Variants in SMC1B observed in about 807,000 individuals in gnomAD.
The protein encoded by SMC1B is structural maintenance of chromosomes protein 1B.
SMC1B carries 60 observed loss-of-function variants against 157.9 expected under a neutral mutation model. The ratio of observed to expected loss-of-function variants is 0.38; its 90% CI spans 0.31 to 0.47. The LOEUF (loss-of-function observed/expected upper bound fraction) is 0.47, where lower values mean the gene tolerates loss of function less well. SMC1B is among the 20% of genes least tolerant of loss of function. The pLI, the probability that SMC1B is intolerant of heterozygous loss-of-function variation, is 0.99. For synonymous variants in SMC1B, 445 were observed against 483.0 expected, an observed-to-expected ratio of 0.92 and a Z score of 1.03; for missense variants, 1,165 against 1,426.2, an observed-to-expected ratio of 0.82 and a Z score of 2.95.
chr22:45,344,712 T>G, intron 24 of SMC1B, 55 bp from the exon 25 acceptor site: 1 of 1,223,984 alleles, frequency 8.2e-7, no homozygotes, highest in Non-Finnish European at 1.2e-6. Context: ...AAAGTATTAT[T>G]AAAGTAAGAG....
At chr22:45,385,264 T>C (rs2086978721) in intron 11 of SMC1B, among the ~76,000 whole-genome samples, 1 of 152,148 alleles carries the variant, frequency 6.6e-6, no homozygotes, top group African/African-American at 2.4e-5. Context: ...AGTTTACAGA[T>C]ACTGTATGTA....
chr22:45,371,600 G>A lies in SMC1B; in HGVS notation c.2197-13C>T. 2 of 1,572,834 alleles carry A rather than the reference G, an allele frequency of 1.3e-6. No individual in the cohort carries two copies. Among genetic ancestry groups the A allele is most frequent in the African/African-American group, 1.4e-5 (1 of 72,526 alleles). ...ACTGAGATTGTTCCTAATAACAAAAGAGAAAAATTTTTTTAACATGGCTGT... is the reference window on the plus strand; with the variant it reads ...ACTGAGATTGTTCCTAATAACAAAAAAGAAAAATTTTTTTAACATGGCTGT... On this transcript the variant is annotated splice_polypyrimidine_tract_variant and intron_variant, in intron 13 of 24. Transcript: ENST00000357450.
intron 15 of SMC1B, among the ~76,000 whole-genome samples, chr22:45,365,286 C>A (rs1411189275): frequency 2.6e-5 from 4 of 152,188 alleles, no homozygotes; most frequent in Non-Finnish European, 4.4e-5. Context: ...TATTCAGCTA[C>A]CCATTCTATA....
intron 19 of SMC1B, 76 bp downstream of exon 19, chr22:45,358,621 C>G (rs2086691555): frequency 1.1e-6 from 1 of 894,230 alleles, no homozygotes; most frequent in Non-Finnish European, 1.7e-6. Flanking sequence ...TTAATTCTAT[C>G]ATCCAAAAAT....
chr22:45,367,842 C>T (rs899179311), intron 15 of SMC1B, among the ~76,000 whole-genome samples: 6 of 152,236 alleles, frequency 3.9e-5, no homozygotes, highest in African/African-American at 1.4e-4. Context: ...AGATTTTTCA[C>T]TTCTCTGTGG....
chr22:45,402,749 C>A (rs895046707), intron 4 of SMC1B, among the ~76,000 whole-genome samples, 178 bp from the exon 5 acceptor site: 1 of 152,142 alleles, frequency 6.6e-6, no homozygotes, highest in African/African-American at 2.4e-5. Context: ...TTAAATAACC[C>A]AATACACCAG....
In SMC1B at chr22:45,354,145, C is replaced by A; in HGVS notation, c.3119-13G>T. 6.6e-7 allele frequency: 1 copy of A among 1,524,228 alleles called. No homozygotes were observed. The highest frequency in any genetic ancestry group is 8.7e-7 in the Non-Finnish European group (1 of 1,143,308). 94.4% of individuals were successfully genotyped at this position (1,524,228 alleles called of 1,614,324 possible). ...CTGGCCTCAAAAGCTAAGAGAGAATCAATGTTCTTTATTTTAGAGACCACT... is the reference window on the plus strand; with the variant it reads ...CTGGCCTCAAAAGCTAAGAGAGAATAAATGTTCTTTATTTTAGAGACCACT... On this transcript the variant is annotated splice_polypyrimidine_tract_variant and intron_variant, in intron 20 of 24. Coordinates refer to ENST00000357450, the MANE Select transcript of SMC1B (RefSeq NM_148674.5).
At chr22:45,398,047 C>A (rs1393698346) in intron 6 of SMC1B, among the ~76,000 whole-genome samples, 1 of 152,156 alleles carries the variant, frequency 6.6e-6, no homozygotes, top group Non-Finnish European at 1.5e-5. Flanking sequence ...TGGGGCCGAG[C>A]AAGCCCCAGA....
At chr22:45,408,512 A>G (rs1466245045) in intron 2 of SMC1B, among the ~76,000 whole-genome samples, 198 bp downstream of exon 2, 1 of 152,188 alleles carries the variant, frequency 6.6e-6, no homozygotes, top group African/African-American at 2.4e-5. Flanking sequence ...GTTAAGGAAA[A>G]GCAGACATAA....
chr22:45,363,861 T>C (rs1470701419), intron 15 of SMC1B, among the ~76,000 whole-genome samples: 1 of 152,054 alleles, frequency 6.6e-6, no homozygotes. Flanking sequence ...ACTATTTTTT[T>C]TTTTTGAGAT....
At chr22:45,349,902 T>C (rs2086594247) in intron 22 of SMC1B, 105 bp from the exon 23 acceptor site, 1 of 900,416 alleles carries the variant, frequency 1.1e-6, no homozygotes, top group Admixed American at 2.6e-5. Context: ...CACATTCTTT[T>C]GGATATTTCT....
rs77528018 is a variant in SMC1B at position 45,360,653 on chromosome 22, T to A, written c.2709-695A>T. Among the ~76,000 whole-genome samples, 715 of 145,678 alleles carry A rather than the reference T, an allele frequency of 4.9e-3. 8 individuals carry two copies. The highest frequency in any genetic ancestry group is 0.015 in the African/African-American group (605 of 39,162). ...ACCTCATTTCTTAAAAAAAAAAAAATGGAAGAATGTGTTCTATTTACACAA... is the reference window on the plus strand; with the variant it reads ...ACCTCATTTCTTAAAAAAAAAAAAAAGGAAGAATGTGTTCTATTTACACAA... On this transcript the variant is annotated intron_variant, in intron 17 of 24. Coordinates refer to ENST00000357450, the MANE Select transcript of SMC1B (RefSeq NM_148674.5).
chr22:45,362,109 G>C, intron 16 of SMC1B, 125 bp from the exon 17 acceptor site: 1 of 861,522 alleles, frequency 1.2e-6, no homozygotes, highest in South Asian at 2.0e-5. Flanking sequence ...TGTGCTACCT[G>C]ACCTTCCATC....
chr22:45,361,448 A>G (rs1602054649), intron 17 of SMC1B, among the ~76,000 whole-genome samples: 2 of 137,662 alleles, frequency 1.5e-5, no homozygotes, highest in African/African-American at 4.9e-5. Context: ...CCCTGTCTCT[A>G]CTAAAAGAGA....
rs1172746290 is a variant in SMC1B at position 45,406,648 on chromosome 22, T to C, written c.427A>G (p.Ile143Val). 1 of 1,612,994 alleles carries C rather than the reference T, an allele frequency of 6.2e-7. No homozygotes were observed. The highest frequency in any genetic ancestry group is 8.5e-7 in the Non-Finnish European group (1 of 1,179,690). Residue 143 changes from isoleucine to valine, a missense_variant, in exon 4 of 25, where the codon ATT (isoleucine) becomes GTT (valine). Coordinates refer to ENST00000357450, the MANE Select transcript of SMC1B (RefSeq NM_148674.5). ...CLVFQGTVESISVKKPKERTQ... is the reference protein window; with the variant it reads ...CLVFQGTVESVSVKKPKERTQ... ...CTTTCTTTGGGTTTCTTCACTGAAA[T>C]TGACTCTACAGTTCCCTTTTAAAAA...
chr22:45,378,911 T>C (rs2086908479), intron 12 of SMC1B, among the ~76,000 whole-genome samples: 2 of 152,232 alleles, frequency 1.3e-5, no homozygotes, highest in South Asian at 4.1e-4. Flanking sequence ...TTGTCTGATA[T>C]TATTACTTTT....
At chr22:45,406,365 T>C in intron 4 of SMC1B, 95 bp downstream of exon 4, 7 of 950,780 alleles carry the variant, frequency 7.4e-6, no homozygotes, top group Non-Finnish European at 7.8e-6. Context: ...ACTATTAAAT[T>C]AATCTTCTTG....
chr22:45,389,095 T>G (rs2087027153), intron 10 of SMC1B, among the ~76,000 whole-genome samples: 1 of 151,876 alleles, frequency 6.6e-6, no homozygotes, highest in Non-Finnish European at 1.5e-5. Flanking sequence ...CTCAGAGCAG[T>G]CCAGCTCTAA....
intron 4 of SMC1B, among the ~76,000 whole-genome samples, chr22:45,404,992 T>C (rs1419184537): frequency 6.6e-6 from 1 of 152,296 alleles, no homozygotes; most frequent in East Asian, 1.9e-4. Flanking sequence ...AATAGGGTAA[T>C]GTGCTAGTAC....
Sources: gnomAD v4.1 joint callset for allele counts (sites outside exome capture counted in the v4.1 genomes callset) on GRCh38, gnomAD v4.1.1 for gene constraint, MANE v1.5 for transcripts, NCBI Gene and HGNC (gene_info 2026-07-23, HGNC 2026-07-21) for gene names.